CYFIP1: variants seen among roughly 807,000 people sequenced by gnomAD.
CYFIP1 encodes cytoplasmic FMR1-interacting protein 1.
A neutral mutation model predicts 163.5 loss-of-function variants in CYFIP1; 58 were observed. The ratio of observed to expected loss-of-function variants is 0.35; its 90% CI spans 0.29 to 0.44. The LOEUF is 0.44. Among genes scored for constraint, CYFIP1 ranks in the 20% least tolerant of loss-of-function variants. CYFIP1 has a pLI of 1.00. For synonymous variants in CYFIP1, 663 were observed against 660.7 expected (o/e 1.00, Z -0.05); for missense variants, 1,338 against 1,653.8 (o/e 0.81, Z 3.31).
intron 14 of CYFIP1, among the ~76,000 whole-genome samples, 171 bp from the exon 15 acceptor site, chr15:22,918,106 TA>T (rs953575260): frequency 2.2e-4 from 33 of 152,174 alleles, no homozygotes; most frequent in African/African-American, 7.9e-4. Flanking sequence ...ACAGGAAAGT[TA>T]AAAAGGAGTC....
At position 22,873,733 on chromosome 15, in the gene CYFIP1, C is replaced by T. The variant is rs773652510; in HGVS notation, c.3211-4G>A. ...CCTCTCTTGCGATGGCAATTTGCTG[C>T]AGAAAGGACAAGCCGTGGAATGCCG... On this transcript the variant is annotated splice_polypyrimidine_tract_variant and splice_region_variant and intron_variant, in intron 28 of 30. Coordinates refer to ENST00000617928, the MANE Select transcript of CYFIP1 (RefSeq NM_014608.6). 11 of 1,609,778 alleles carry T rather than the reference C, an allele frequency of 6.8e-6. No homozygotes were observed. Among genetic ancestry groups the T allele is most frequent in the Admixed American group, 5.0e-5 (3 of 59,874 alleles).
chr15:22,873,393 C>T (rs2059490702), intron 29 of CYFIP1, 98 bp downstream of exon 29: 2 of 1,021,742 alleles, frequency 2.0e-6, no homozygotes, highest in Non-Finnish European at 2.9e-6. Flanking sequence ...GGTCCACTTC[C>T]TGAGCATGGC....
chr15:22,897,357 G>C (rs1333318583), intron 22 of CYFIP1, among the ~76,000 whole-genome samples: 1 of 152,002 alleles, frequency 6.6e-6, no homozygotes, highest in Admixed American at 6.5e-5. Flanking sequence ...TGGGGGGCAG[G>C]CAGTTGACTT....
chr15:22,963,521 T>TAACATAACATAACATAACATAA (rs2062770739), intron 1 of CYFIP1, among the ~76,000 whole-genome samples: 1 of 145,126 alleles, frequency 6.9e-6, no homozygotes, highest in African/African-American at 2.5e-5. Context: ...TAACATAACA[T>TAACATAACATAACATAACATAA]AACATAACAT....
chr15:22,911,589 C>G (rs531209943), intron 18 of CYFIP1, among the ~76,000 whole-genome samples: 1 of 152,204 alleles, frequency 6.6e-6, no homozygotes, highest in South Asian at 2.1e-4. Flanking sequence ...ACCTGTGCTT[C>G]GTGGCAAGTG....
intron 9 of CYFIP1, among the ~76,000 whole-genome samples, chr15:22,935,572 CA>C (rs1376491827): frequency 1.3e-5 from 2 of 152,044 alleles, no homozygotes. Flanking sequence ...ATGAAAATGA[CA>C]AACTTCTGTT....
At chr15:22,941,845 A>T (rs913798673) in intron 6 of CYFIP1, among the ~76,000 whole-genome samples, 2 of 152,178 alleles carry the variant, frequency 1.3e-5, no homozygotes, top group African/African-American at 4.8e-5. Context: ...ACAACTTTTA[A>T]ATACTTTTAA....
Position 22,911,431 on chromosome 15 carries a change from C to T in CYFIP1, c.2083-618G>A, listed in dbSNP as rs118059661. 9.9e-3 allele frequency among the ~76,000 whole-genome samples: 1,506 copies of T among 152,318 alleles called. 21 individuals carry two copies. Among genetic ancestry groups the T allele is most frequent in the Non-Finnish European group, 0.013 (917 of 68,028 alleles). On this transcript the variant is annotated intron_variant, in intron 18 of 30. Coordinates refer to ENST00000617928, the MANE Select transcript of CYFIP1 (RefSeq NM_014608.6). Reference sequence around the variant, plus strand: ...GTGGGTTCCTGCCCTGGGGCAGCTCCGCCTACTGTGCACTCCAGGAGGCAC... The same window carrying T: ...GTGGGTTCCTGCCCTGGGGCAGCTCTGCCTACTGTGCACTCCAGGAGGCAC...
intron 13 of CYFIP1, among the ~76,000 whole-genome samples, chr15:22,919,300 A>G (rs952629760): frequency 1.3e-5 from 2 of 152,346 alleles, no homozygotes; most frequent in South Asian, 2.1e-4. Context: ...ATGGAACATA[A>G]TTACATGACA....
At chr15:22,887,522 C>G (rs536822597) in intron 23 of CYFIP1, among the ~76,000 whole-genome samples, 1 of 152,294 alleles carries the variant, frequency 6.6e-6, no homozygotes, top group Non-Finnish European at 1.5e-5. Flanking sequence ...CCTCATGTTA[C>G]AAGTGAGAGA....
chr15:22,873,769 G>A (rs763868523), intron 28 of CYFIP1, 40 bp from the exon 29 acceptor site: 2 of 1,533,120 alleles, frequency 1.3e-6, no homozygotes, highest in South Asian at 1.2e-5. Context: ...TGGGCCTCCA[G>A]GCATCCAGCT....
intron 5 of CYFIP1, 139 bp downstream of exon 5, chr15:22,944,419 G>A: frequency 3.2e-6 from 2 of 629,396 alleles, no homozygotes; most frequent in East Asian, 2.7e-5. Context: ...CAAAGGCTTG[G>A]TCCCTTTTGT....
At chr15:22,974,200 C>T (rs1209671871) in intron 1 of CYFIP1, among the ~76,000 whole-genome samples, 1 of 152,086 alleles carries the variant, frequency 6.6e-6, no homozygotes, top group African/African-American at 2.4e-5. Flanking sequence ...AAATGAAATC[C>T]GTATGTCCAA....
rs146108845 is a variant in CYFIP1, at chr15:22,915,940, T to C, written c.1828+537A>G. Among the ~76,000 whole-genome samples, 283 of 152,258 alleles carry C rather than the reference T, an allele frequency of 1.9e-3. 1 individual carries two copies. Among genetic ancestry groups the C allele is most frequent in the Admixed American group, 3.6e-3 (55 of 15,286 alleles). On this transcript the variant is annotated intron_variant, in intron 16 of 30. Coordinates refer to ENST00000617928, the MANE Select transcript of CYFIP1 (RefSeq NM_014608.6). ...GCAAAAGTGGTACTATTTCCTCCAA[T>C]ACCTCGCAGCACCCCAGCCAAGACA...
chr15:22,872,305 AAAAAAG>A lies in CYFIP1; in HGVS notation c.3597+514_3597+519del, dbSNP rs1351439714. 4.9e-4 allele frequency among the ~76,000 whole-genome samples: 75 copies of A among 151,948 alleles called. 1 individual carries two copies. The highest frequency in any genetic ancestry group is 1.7e-3 in the African/African-American group (71 of 41,468). On this transcript the variant is annotated intron_variant, in intron 30 of 30. Transcript: ENST00000617928. ...AGCGAAACTGTCTCAAAAAAAAAAA[AAAAAAG>A]AAAGAAAAAAGAAAACTGATACAAC...
At chr15:22,893,739 T>C (rs77032203) in intron 22 of CYFIP1, among the ~76,000 whole-genome samples, 4,554 of 152,254 alleles carry the variant, frequency 0.03, 167 homozygotes, top group African/African-American at 0.086. Flanking sequence ...GCAGTACTTC[T>C]GGGTATGCCT....
At chr15:22,893,873 T>C (rs183044465) in intron 22 of CYFIP1, among the ~76,000 whole-genome samples, 32 of 152,312 alleles carry the variant, frequency 2.1e-4, no homozygotes, top group African/African-American at 7.5e-4. Context: ...CGTGAGTCCA[T>C]GTATGGAGAT....
At chr15:22,946,907 C>G in intron 3 of CYFIP1, 96 bp downstream of exon 3, 1 of 1,025,366 alleles carries the variant, frequency 9.8e-7, no homozygotes, top group Non-Finnish European at 1.5e-6. Context: ...TTTTTCCTCA[C>G]TGCATAGTCT....
chr15:22,905,488 T>C (rs2060540011), intron 21 of CYFIP1: 1 of 143,838 alleles, frequency 7.0e-6, no homozygotes, highest in South Asian at 2.3e-4. Context: ...TTCCCTCTTT[T>C]CATTCCTTTT....
Sources: allele counts gnomAD v4.1 joint callset (sites outside exome capture counted in the v4.1 genomes callset), GRCh38; gene constraint gnomAD v4.1.1; transcripts MANE v1.5; gene names NCBI Gene and HGNC (gene_info 2026-07-23, HGNC 2026-07-21).